Variants in CSMD1 observed in about 807,000 individuals in gnomAD.
The protein encoded by CSMD1 is CUB and sushi domain-containing protein 1.
A neutral mutation model predicts 417.5 loss-of-function variants in CSMD1; 213 were observed. The observed-to-expected ratio is 0.51, with a 90% CI of 0.46 to 0.57. The LOEUF (loss-of-function observed/expected upper bound fraction) is 0.57. CSMD1 is among the 20% of genes least tolerant of loss of function. The pLI is 0.00. For missense variants in CSMD1, 6,923 were observed against 4,529.7 expected (o/e 1.53, Z -15.17); for synonymous variants, 2,862 against 1,736.8 (o/e 1.65, Z -16.11).
intron 6 of CSMD1, among the ~76,000 whole-genome samples, chr8:3,729,360 C>G (rs1367078537): frequency 6.6e-6 from 1 of 152,158 alleles, no homozygotes; most frequent in Non-Finnish European, 1.5e-5. Flanking sequence ...AGCTCTGCCA[C>G]CACTCACTCG....
At chr8:3,422,789 G>C (rs1209859820) in intron 12 of CSMD1, among the ~76,000 whole-genome samples, 2 of 152,306 alleles carry the variant, frequency 1.3e-5, no homozygotes, top group South Asian at 2.1e-4. Flanking sequence ...CATGGTTCAA[G>C]AGGCTAGGAA....
At chr8:3,544,175 C>G (rs1443975726) in intron 10 of CSMD1, among the ~76,000 whole-genome samples, 2 of 152,138 alleles carry the variant, frequency 1.3e-5, no homozygotes, top group East Asian at 3.9e-4. Context: ...TATTCCTAGC[C>G]TCTAGAGGTT....
At chr8:4,115,388 T>C (rs924707924) in intron 3 of CSMD1, among the ~76,000 whole-genome samples, 1 of 152,244 alleles carries the variant, frequency 6.6e-6, no homozygotes, top group African/African-American at 2.4e-5. Flanking sequence ...ATAATTTTCA[T>C]ATGCACTAAG....
intron 26 of CSMD1, among the ~76,000 whole-genome samples, chr8:3,236,333 G>A (rs1412551432): frequency 6.6e-6 from 1 of 152,036 alleles, no homozygotes. Context: ...GCTTACTTAA[G>A]TTTAAACAAA....
At chr8:4,837,656 T>C (rs532128347) in intron 1 of CSMD1, among the ~76,000 whole-genome samples, 1 of 151,716 alleles carries the variant, frequency 6.6e-6, no homozygotes, top group East Asian at 1.9e-4. Context: ...AGTTAACAGG[T>C]ACAAAAAAAA....
chr8:4,930,998 A>G (rs574758861), intron 1 of CSMD1, among the ~76,000 whole-genome samples: 1 of 152,192 alleles, frequency 6.6e-6, no homozygotes, highest in Non-Finnish European at 1.5e-5. Flanking sequence ...AAGACAATAT[A>G]TGTATTATCA....
intron 48 of CSMD1, among the ~76,000 whole-genome samples, chr8:3,090,183 G>T (rs921872289): frequency 6.6e-6 from 1 of 152,014 alleles, no homozygotes; most frequent in African/African-American, 2.4e-5. Flanking sequence ...CGGGCGCGGT[G>T]GCGGGCGCCT....
At chr8:4,013,742 G>A (rs1181999460) in intron 4 of CSMD1, among the ~76,000 whole-genome samples, 3 of 152,216 alleles carry the variant, frequency 2.0e-5, no homozygotes, top group African/African-American at 7.2e-5. Context: ...ACTATAGCTT[G>A]TGGGTTACAT....
chr8:3,719,093 C>T (rs546764687), intron 6 of CSMD1, among the ~76,000 whole-genome samples: 1 of 152,136 alleles, frequency 6.6e-6, no homozygotes, highest in Non-Finnish European at 1.5e-5. Context: ...GTGTCTCAGA[C>T]GATTCGCAAA....
chr8:4,478,029 C>T (rs1585140959), intron 2 of CSMD1, among the ~76,000 whole-genome samples: 1 of 152,144 alleles, frequency 6.6e-6, no homozygotes, highest in Non-Finnish European at 1.5e-5. Flanking sequence ...TACTACCATT[C>T]ACTTTCATCT....
intron 3 of CSMD1, among the ~76,000 whole-genome samples, chr8:4,356,840 C>T (rs922533700): frequency 1.3e-5 from 2 of 152,166 alleles, no homozygotes; most frequent in Admixed American, 1.3e-4. Flanking sequence ...CCTAGTTGTT[C>T]AGCTATCTCT....
chr8:2,976,115 G>A (rs1048988370), intron 55 of CSMD1, among the ~76,000 whole-genome samples: 22 of 151,744 alleles, frequency 1.4e-4, no homozygotes, highest in African/African-American at 5.3e-4. Context: ...GAATTTTTTT[G>A]AAAGTTACCA....
intron 3 of CSMD1, among the ~76,000 whole-genome samples, chr8:4,133,560 G>C (rs114963714): frequency 0.027 from 4,043 of 152,152 alleles, 185 homozygotes; most frequent in African/African-American, 0.091. Context: ...GGGTTTTGTA[G>C]GAAAGCCGTG....
chr8:3,259,324 A>C (rs1800884817), intron 26 of CSMD1, among the ~76,000 whole-genome samples: 1 of 152,186 alleles, frequency 6.6e-6, no homozygotes, highest in Admixed American at 6.5e-5. Flanking sequence ...TGAGCTCTGC[A>C]AAGCAGGAAT....
intron 5 of CSMD1, among the ~76,000 whole-genome samples, chr8:3,884,348 T>G (rs536318052): frequency 6.6e-6 from 1 of 152,356 alleles, no homozygotes; most frequent in East Asian, 1.9e-4. Context: ...AGTAATCAAC[T>G]GATTCCCTAG....
intron 5 of CSMD1, among the ~76,000 whole-genome samples, chr8:3,915,277 G>C (rs989508999): frequency 1.3e-5 from 2 of 151,870 alleles, no homozygotes; most frequent in East Asian, 1.9e-4. Flanking sequence ...ATGGTAGTGT[G>C]TGCCTGTAGT....
chr8:3,387,444 G>T (rs369560853), intron 18 of CSMD1, 50 bp downstream of exon 18: 1 of 1,459,098 alleles, frequency 6.9e-7, no homozygotes, highest in South Asian at 1.3e-5. Context: ...AGACGTGTGC[G>T]CTGTCTCTGC....
chr8:4,211,899 C>T (rs114560513), intron 3 of CSMD1, among the ~76,000 whole-genome samples: 76 of 152,258 alleles, frequency 5.0e-4, no homozygotes, highest in African/African-American at 1.7e-3. Flanking sequence ...AAACATTCTT[C>T]CAACATCATC....
chr8:4,602,394 G>A (rs538613032), intron 2 of CSMD1, among the ~76,000 whole-genome samples: 2 of 152,106 alleles, frequency 1.3e-5, no homozygotes, highest in Non-Finnish European at 2.9e-5. Context: ...CTATTAATTT[G>A]CTGGTCCAAG....
Sources: allele counts gnomAD v4.1 joint callset (sites outside exome capture counted in the v4.1 genomes callset), GRCh38; gene constraint gnomAD v4.1.1; transcripts MANE v1.5; gene names NCBI Gene and HGNC (gene_info 2026-07-23, HGNC 2026-07-21).